Variants in EXOC4 observed in about 807,000 individuals in gnomAD.
The protein encoded by EXOC4 is SEC8-like 1.
EXOC4 carries 71 observed loss-of-function variants against 107.2 expected under a neutral mutation model. That is an observed-to-expected ratio of 0.66 (90% CI 0.55 to 0.81). The LOEUF (loss-of-function observed/expected upper bound fraction) is 0.81, where lower values mean the gene tolerates loss of function less well. EXOC4 is among the 30% of genes least tolerant of loss of function. The probability of loss-of-function intolerance (pLI) is 0.00; values close to 1 mark genes in which losing one functional copy is unlikely to be tolerated. For missense variants in EXOC4, 1,108 were observed against 1,189.6 expected (o/e 0.93, Z 1.01); for synonymous variants, 456 against 441.2 (o/e 1.03, Z -0.42).
intron 10 of EXOC4, among the ~76,000 whole-genome samples, chr7:133,812,768 C>T (rs1222289511): frequency 1.3e-5 from 2 of 152,100 alleles, no homozygotes; most frequent in African/African-American, 4.8e-5. Flanking sequence ...ACTCTGCTCT[C>T]TTAGTGATTT....
chr7:133,568,742 G>A (rs1800959402), intron 9 of EXOC4, among the ~76,000 whole-genome samples: 1 of 152,026 alleles, frequency 6.6e-6, no homozygotes, highest in Non-Finnish European at 1.5e-5. Context: ...GAGATGTTTG[G>A]GAATGCATAG....
chr7:133,299,125 A>T (rs1417283006), intron 3 of EXOC4, among the ~76,000 whole-genome samples: 1 of 152,152 alleles, frequency 6.6e-6, no homozygotes, highest in Non-Finnish European at 1.5e-5. Flanking sequence ...TGACAATATG[A>T]TGATATTTTT....
chr7:133,675,708 A>G (rs939537084), intron 10 of EXOC4, among the ~76,000 whole-genome samples: 2 of 152,154 alleles, frequency 1.3e-5, no homozygotes, highest in Admixed American at 1.3e-4. Context: ...GCCCCTCACT[A>G]CATCTCCAGA....
At chr7:133,409,508 A>G (rs1033536736) in intron 7 of EXOC4, among the ~76,000 whole-genome samples, 1 of 152,096 alleles carries the variant, frequency 6.6e-6, no homozygotes, top group Non-Finnish European at 1.5e-5. Flanking sequence ...TGGCCAGAGG[A>G]GTTGATTTGC....
At chr7:133,783,483 A>G (rs773815769) in intron 10 of EXOC4, among the ~76,000 whole-genome samples, 4 of 152,220 alleles carry the variant, frequency 2.6e-5, no homozygotes, top group Non-Finnish European at 4.4e-5. Flanking sequence ...AACTGCTTTT[A>G]TGGACAATGA....
At chr7:133,434,211 A>G (rs1797916165) in intron 7 of EXOC4, among the ~76,000 whole-genome samples, 1 of 152,140 alleles carries the variant, frequency 6.6e-6, no homozygotes, top group Non-Finnish European at 1.5e-5. Context: ...AGACCTCCCT[A>G]AAGCAGAGGT....
At chr7:134,099,538 T>C in the EXOC4 span, among the ~76,000 whole-genome samples, 1 of 138,076 alleles carries the variant, frequency 7.2e-6, no homozygotes, top group African/African-American at 2.8e-5. Context: ...TTTTTTTTTT[T>C]TTTTTTTTTT....
chr7:133,435,289 A>G (rs1797943383), intron 7 of EXOC4, among the ~76,000 whole-genome samples: 2 of 152,136 alleles, frequency 1.3e-5, no homozygotes. Flanking sequence ...CCAGACTTCC[A>G]TTAAAAAAAA....
At chr7:133,676,961 G>GTGTA (rs1219736314) in intron 10 of EXOC4, among the ~76,000 whole-genome samples, 33 of 149,648 alleles carry the variant, frequency 2.2e-4, no homozygotes, top group Admixed American at 2.1e-3. Flanking sequence ...GTGTGTATGT[G>GTGTA]TGTGTGTGTG....
chr7:133,940,655 A>T (rs934431045), intron 14 of EXOC4, among the ~76,000 whole-genome samples: 1 of 152,220 alleles, frequency 6.6e-6, no homozygotes. Context: ...TTGAATTCCC[A>T]GGAGAGATGC....
chr7:134,062,013 C>T (rs10264733), intron 17 of EXOC4, among the ~76,000 whole-genome samples: 4,329 of 152,262 alleles, frequency 0.028, 190 homozygotes, highest in African/African-American at 0.093. Flanking sequence ...ATCTCCCCTT[C>T]TACCAAGTAT....
At chr7:133,867,704 G>A (rs1223144662) in intron 11 of EXOC4, among the ~76,000 whole-genome samples, 4 of 152,170 alleles carry the variant, frequency 2.6e-5, no homozygotes, top group African/African-American at 9.7e-5. Context: ...AGTATGACCT[G>A]TAGGATAACA....
Position 133,997,449 on chromosome 7 carries a change from A to G in EXOC4, c.2207-43A>G, listed in dbSNP as rs10429204. 5,459 of 1,606,566 alleles carry G rather than the reference A, an allele frequency of 3.4e-3. 182 individuals carry two copies. In the African/African-American group the frequency reaches 0.064, roughly 19 times the overall value. On this transcript the variant is annotated intron_variant, in intron 14 of 17. Coordinates refer to ENST00000253861, the MANE Select transcript of EXOC4 (RefSeq NM_021807.4). Reference sequence around the variant, plus strand: ...AATATGTCATTTCAGAAAAATCTGTAGGCATCTAATGAAATGATTGGTGTT... The same window carrying G: ...AATATGTCATTTCAGAAAAATCTGTGGGCATCTAATGAAATGATTGGTGTT...
intron 5 of EXOC4, among the ~76,000 whole-genome samples, chr7:133,324,757 T>C (rs1477190589): frequency 6.6e-6 from 1 of 152,112 alleles, no homozygotes; most frequent in African/African-American, 2.4e-5. Context: ...TCAATTCCTG[T>C]ATATCCTTGT....
At chr7:133,568,015 G>A (rs1444426133) in intron 9 of EXOC4, among the ~76,000 whole-genome samples, 1 of 152,110 alleles carries the variant, frequency 6.6e-6, no homozygotes, top group Non-Finnish European at 1.5e-5. Flanking sequence ...ACCAAGTAAT[G>A]TTCTTCATTC....
chr7:133,279,961 T>A lies in EXOC4; in HGVS notation c.276+4790T>A, dbSNP rs138824131. 4.0e-4 allele frequency among the ~76,000 whole-genome samples: 61 copies of A among 152,210 alleles called. 1 individual carries two copies. In the East Asian group the frequency reaches 0.011, roughly 28 times the overall value. Reference sequence around the variant, plus strand: ...TCCAAGCTTTTTTAAAAAAATTAATTATTGATTTATTTTAGAGATAGGGTT... The same window carrying A: ...TCCAAGCTTTTTTAAAAAAATTAATAATTGATTTATTTTAGAGATAGGGTT... On this transcript the variant is annotated intron_variant, in intron 2 of 17. Coordinates refer to ENST00000253861, the MANE Select transcript of EXOC4 (RefSeq NM_021807.4).
At chr7:133,845,098 G>T (rs1009799638) in intron 11 of EXOC4, among the ~76,000 whole-genome samples, 3 of 152,050 alleles carry the variant, frequency 2.0e-5, no homozygotes, top group African/African-American at 7.2e-5. Context: ...TTTTCTCTTT[G>T]TATGAAATAG....
intron 10 of EXOC4, among the ~76,000 whole-genome samples, chr7:133,796,316 A>C (rs1244235000): frequency 6.6e-6 from 1 of 152,114 alleles, no homozygotes; most frequent in Non-Finnish European, 1.5e-5. Context: ...TCTGATATAC[A>C]GGTTGTGGGG....
chr7:133,269,682 G>T (rs1480225756), intron 1 of EXOC4, among the ~76,000 whole-genome samples: 1 of 152,134 alleles, frequency 6.6e-6, no homozygotes, highest in African/African-American at 2.4e-5. Context: ...AGGGATCTTG[G>T]ATAATTTTTG....
Sources: allele counts gnomAD v4.1 joint callset (sites outside exome capture counted in the v4.1 genomes callset), GRCh38; gene constraint gnomAD v4.1.1; transcripts MANE v1.5; gene names NCBI Gene and HGNC (gene_info 2026-07-23, HGNC 2026-07-21).